SCN1A: variants seen among roughly 807,000 people sequenced by gnomAD.
SCN1A encodes the protein sodium channel protein type 1 subunit alpha.
A neutral mutation model predicts 193.7 loss-of-function variants in SCN1A; 13 were observed. That is an observed-to-expected ratio of 0.07 (90% CI 0.04 to 0.11). The LOEUF (loss-of-function observed/expected upper bound fraction) is 0.11. Among genes scored for constraint, SCN1A ranks in the 10% least tolerant of loss-of-function variants. The pLI is 1.00. For missense variants in SCN1A, 1,432 were observed against 2,451.1 expected, an observed-to-expected ratio of 0.58 and a Z score of 8.78; for synonymous variants, 781 against 843.6, an observed-to-expected ratio of 0.93 and a Z score of 1.29.
intron 4 of SCN1A, among the ~76,000 whole-genome samples, chr2:166,069,380 CA>C (rs1231859819): frequency 6.6e-6 from 1 of 152,170 alleles, no homozygotes; most frequent in Non-Finnish European, 1.5e-5. Context: ...TATTACTGAA[CA>C]TGGATTAAAC....
intron 2 of SCN1A, among the ~76,000 whole-genome samples, chr2:166,091,545 T>C (rs1337885426): frequency 6.6e-6 from 1 of 152,142 alleles, no homozygotes; most frequent in Non-Finnish European, 1.5e-5. Flanking sequence ...TTAAATAGCA[T>C]GGGTAAAGGA....
At chr2:166,110,854 G>A (rs1300786334) in intron 2 of SCN1A, among the ~76,000 whole-genome samples, 1 of 152,178 alleles carries the variant, frequency 6.6e-6, no homozygotes, top group Admixed American at 6.6e-5. Context: ...TCTTGTGGTA[G>A]TGAATAAGTC....
chr2:166,144,055 A>C (rs1692205252), intron 1 of SCN1A, among the ~76,000 whole-genome samples: 1 of 152,248 alleles, frequency 6.6e-6, no homozygotes. Flanking sequence ...AAGTAGCATT[A>C]GCAGTTCCGA....
chr2:166,046,553 A>G (rs1281248871), intron 12 of SCN1A, among the ~76,000 whole-genome samples: 1 of 152,298 alleles, frequency 6.6e-6, no homozygotes, highest in Admixed American at 6.5e-5. Flanking sequence ...GAATCTTAAG[A>G]TGATTAAAAT....
rs1403543092 is a variant in SCN1A, at chr2:166,039,549, G to A, written c.2463C>T (p.Ala821=). 1 of 1,613,670 alleles carries A rather than the reference G, an allele frequency of 6.2e-7. No individual in the cohort carries two copies. Among genetic ancestry groups the A allele is most frequent in the Non-Finnish European group, 8.5e-7 (1 of 1,179,892 alleles). The change falls in exon 17 of 29, where the codon GCC becomes GCT. Residue 821 remains alanine, a synonymous_variant. Coordinates refer to ENST00000674923, the MANE Select transcript of SCN1A (RefSeq NM_001165963.4). ...CTTGGAAATAATAGTAAGGATCCAT[G>A]GCAATAATTTTCAGAAACATTTCTG... is the stretch of plus-strand genomic sequence containing the variant. ...FTAEMFLKII[A]MDPYYYFQEG... is the part of the protein sequence containing the mutation.
intron 23 of SCN1A, among the ~76,000 whole-genome samples, chr2:166,008,075 A>C (rs776295207): frequency 7.3e-5 from 11 of 151,300 alleles, no homozygotes; most frequent in African/African-American, 1.2e-4. Context: ...CATTTAAACT[A>C]TTAGTTATAT....
intron 2 of SCN1A, among the ~76,000 whole-genome samples, chr2:166,126,655 T>C (rs1691276557): frequency 6.6e-6 from 1 of 152,140 alleles, no homozygotes; most frequent in African/African-American, 2.4e-5. Flanking sequence ...AACCTGTAAA[T>C]CCATAGAAGA....
In SCN1A at chr2:165,991,448, TG is replaced by T. The variant is rs1689126383; in HGVS notation, c.5826del (p.Tyr1942Ter). The T allele has an allele frequency of 6.2e-7, 1 of 1,613,802 alleles. No individual in the cohort carries two copies. Among genetic ancestry groups the T allele is most frequent in the Non-Finnish European group, 8.5e-7 (1 of 1,179,892 alleles). ...GCCCCACCTTTGATTTTGTTTTTATTGTACGTAAAGGAAGCTTGTTTTACAG... is the reference window on the plus strand; with the variant it reads ...GCCCCACCTTTGATTTTGTTTTTATTTACGTAAAGGAAGCTTGTTTTACAG... ...KRTVKQASFT[Y>X]NKNKIKGGAN... On this transcript the variant is annotated frameshift_variant, in exon 29 of 29. Transcript: ENST00000674923. LOFTEE classifies it high-confidence loss of function.
chr2:165,992,039 C>G lies in SCN1A; in HGVS notation c.5236G>C (p.Val1746Leu), dbSNP rs777579756. The G allele has an allele frequency of 2.5e-6, 4 of 1,613,782 alleles. No individual in the cohort carries two copies. The African/African-American group carries it at 5.3e-5, about 22-fold the overall frequency. ...CCCTTAACTGAGCTTCCAGGGTTAA[C>G]TTTATTAGGGTCACAGTCGGGTGGC... ...SKPPDCDPNK[V>L]NPGSSVKGDC... The change falls in exon 29 of 29, where the codon GTT becomes CTT. Residue 1746 changes from valine to leucine, a missense_variant. Physicochemically the swap from Val to Leu is conservative, Grantham distance 32. Transcript: ENST00000674923. The surrounding 1 kb of genome is among the most constrained non-coding windows in gnomAD (Gnocchi z 6.5).
chr2:166,095,445 C>G (rs527353694), intron 2 of SCN1A, among the ~76,000 whole-genome samples: 127 of 152,222 alleles, frequency 8.3e-4, no homozygotes, highest in African/African-American at 3.0e-3. Flanking sequence ...CTTTATTTAG[C>G]CTTTGTCATT....
chr2:166,125,935 T>C (rs1195912111), intron 2 of SCN1A, among the ~76,000 whole-genome samples: 1 of 152,226 alleles, frequency 6.6e-6, no homozygotes, highest in African/African-American at 2.4e-5. Context: ...AATGTGTTAT[T>C]GTTACCAGTA....
At chr2:166,055,471 T>C (rs925699166) in intron 6 of SCN1A, among the ~76,000 whole-genome samples, 3 of 152,002 alleles carry the variant, frequency 2.0e-5, no homozygotes, top group Non-Finnish European at 4.4e-5. Flanking sequence ...TAAAATTTAT[T>C]ATTTTCTTCA....
chr2:166,123,043 GT>G (rs1021540436), intron 2 of SCN1A, among the ~76,000 whole-genome samples: 1 of 151,862 alleles, frequency 6.6e-6, no homozygotes, highest in Non-Finnish European at 1.5e-5. Context: ...AAGAACTACA[GT>G]GTCCATAGGT....
chr2:166,053,664 A>G (rs887261218), intron 7 of SCN1A, among the ~76,000 whole-genome samples: 2 of 152,000 alleles, frequency 1.3e-5, no homozygotes, highest in African/African-American at 4.8e-5. Context: ...GAATTGGCTC[A>G]TCCTGATCAG....
chr2:166,073,739 C>A, intron 3 of SCN1A, 69 bp from the exon 4 acceptor site: 1 of 1,135,666 alleles, frequency 8.8e-7, no homozygotes, highest in African/African-American at 1.6e-5. Context: ...AAATTCTTGT[C>A]ATGAAACATG....
At chr2:166,131,688 T>C (rs1280258750), upstream of SCN1A, among the ~76,000 whole-genome samples, 1 of 152,258 alleles carries the variant, frequency 6.6e-6, no homozygotes, top group Non-Finnish European at 1.5e-5. Context: ...AATTAGTATC[T>C]GAATATTCTT....
intron 8 of SCN1A, among the ~76,000 whole-genome samples, chr2:166,052,559 T>C (rs28663047): frequency 0.26 from 39,569 of 151,164 alleles, 5,860 homozygotes; most frequent in Non-Finnish European, 0.34. Context: ...GAATAAGAAA[T>C]TACAGATTGG....
rs7559148 is a variant in SCN1A, at chr2:166,045,034, G to T, written c.1662+9C>A. ...CAACCATGCATCAGTAAACTCAGCA[G>T]TGCCATACCTGGTGTGGGGAGGAGT... On this transcript the variant is annotated intron_variant, in intron 13 of 28. Transcript: ENST00000674923. 3.5e-3 allele frequency: 5,717 copies of T among 1,613,986 alleles called. 190 individuals carry two copies. In the African/African-American group the frequency reaches 0.066, roughly 19 times the overall value.
At chr2:166,038,569 C>T (rs1349224911) in intron 17 of SCN1A, among the ~76,000 whole-genome samples, 2 of 152,046 alleles carry the variant, frequency 1.3e-5, no homozygotes, top group Non-Finnish European at 2.9e-5. Flanking sequence ...AACTCCTGAC[C>T]TCAAGTGATC....
Sources: gnomAD v4.1 joint callset for allele counts (sites outside exome capture counted in the v4.1 genomes callset) on GRCh38, gnomAD v4.1.1 for gene constraint, Gnocchi (gnomAD v3.1) non-coding constraint, MANE v1.5 for transcripts, NCBI Gene and HGNC (gene_info 2026-07-23, HGNC 2026-07-21) for gene names.